STPG2: variants seen among roughly 807,000 people sequenced by gnomAD.
STPG2 encodes the protein sperm-tail PG-rich repeat-containing protein 2.
Under a neutral mutation model 54.2 loss-of-function variants are expected in STPG2, and 56 were observed. That is an observed-to-expected ratio of 1.03 (90% confidence interval 0.83 to 1.29). The LOEUF is 1.29. Among genes scored for constraint, STPG2 ranks in the 50% most tolerant of loss-of-function variants. STPG2 has a pLI of 0.00. For synonymous variants in STPG2, 200 were observed against 181.8 expected (o/e 1.10, Z -0.81); for missense variants, 596 against 544.9 (o/e 1.09, Z -0.93).
chr4:97,575,960 A>G (rs1264736454), intron 10 of STPG2, among the ~76,000 whole-genome samples: 3 of 152,198 alleles, frequency 2.0e-5, no homozygotes, highest in Admixed American at 2.0e-4. Flanking sequence ...GCATTTTTGT[A>G]TAGCAACAAT....
intron 7 of STPG2, among the ~76,000 whole-genome samples, chr4:97,966,773 C>T (rs1394054634): frequency 6.6e-6 from 1 of 152,082 alleles, no homozygotes; most frequent in East Asian, 1.9e-4. Context: ...CCAAACTAAG[C>T]TTCATAAGTA....
intron 10 of STPG2, among the ~76,000 whole-genome samples, chr4:97,710,562 A>T (rs998780165): frequency 4.6e-5 from 7 of 152,206 alleles, no homozygotes; most frequent in Admixed American, 1.3e-4. Context: ...TTGCAATTCT[A>T]AATCAATATC....
intron 10 of STPG2, among the ~76,000 whole-genome samples, chr4:97,599,647 C>A (rs1396915803): frequency 6.6e-6 from 1 of 151,832 alleles, no homozygotes; most frequent in African/African-American, 2.4e-5. Context: ...CACGGTGAAA[C>A]CCCGTCTCTA....
rs1008801208 is a variant in STPG2, at chr4:97,972,297, C to A, written c.916G>T (p.Gly306Ter). The change falls in exon 7 of 11, where the codon GGA (glycine) becomes TGA (stop). Residue 306 changes from glycine (G) to a stop codon, truncating the protein, a stop_gained. Coordinates refer to ENST00000295268, the MANE Select transcript of STPG2 (RefSeq NM_174952.3). LOFTEE classifies it high-confidence loss of function. ...SVQKEACATP[G>*]PADYQEFWHS... ...TGTATTACCTGATAATCAGCAGGTC[C>A]AGGGGTAGCACAAGCTTCTTTCTGA... 1.3e-5 allele frequency: 21 copies of A among 1,597,408 alleles called. No homozygotes were observed. The Middle Eastern group carries it at 8.3e-4, about 63-fold the overall frequency.
intron 8 of STPG2, among the ~76,000 whole-genome samples, chr4:97,913,745 C>A (rs951811402): frequency 6.6e-6 from 1 of 152,036 alleles, no homozygotes; most frequent in Non-Finnish European, 1.5e-5. Flanking sequence ...CAATAGGTTT[C>A]AAATTTTAAA....
chr4:97,960,829 C>G (rs1459782799), intron 7 of STPG2, among the ~76,000 whole-genome samples: 2 of 151,842 alleles, frequency 1.3e-5, no homozygotes, highest in Non-Finnish European at 2.9e-5. Context: ...ATCACCCTCA[C>G]AGAACTAGAA....
chr4:98,000,517 T>C (rs1430684884), intron 5 of STPG2, among the ~76,000 whole-genome samples: 2 of 152,164 alleles, frequency 1.3e-5, no homozygotes, highest in South Asian at 4.1e-4. Context: ...GACTTGAAAC[T>C]GTAGAAAAGA....
At chr4:98,084,555 A>G (rs1738449159) in intron 5 of STPG2, among the ~76,000 whole-genome samples, 1 of 152,162 alleles carries the variant, frequency 6.6e-6, no homozygotes, top group Non-Finnish European at 1.5e-5. Flanking sequence ...GAGTGAGTTT[A>G]TTATTTTACA....
chr4:97,753,375 T>C (rs1725636817), intron 9 of STPG2, among the ~76,000 whole-genome samples: 1 of 151,984 alleles, frequency 6.6e-6, no homozygotes, highest in Non-Finnish European at 1.5e-5. Context: ...GCATCATATT[T>C]TCAAGCTCTA....
At chr4:97,708,339 A>G (rs1483753542) in intron 10 of STPG2, among the ~76,000 whole-genome samples, 1 of 152,086 alleles carries the variant, frequency 6.6e-6, no homozygotes, top group African/African-American at 2.4e-5. Flanking sequence ...AAGTATTACC[A>G]CACTAAAAAT....
chr4:98,095,374 G>C (rs377650590), intron 5 of STPG2, among the ~76,000 whole-genome samples: 3 of 152,122 alleles, frequency 2.0e-5, no homozygotes, highest in Admixed American at 6.5e-5. Flanking sequence ...AAAAGACATA[G>C]AGCAGCTGAA....
chr4:97,748,792 C>T (rs1275879484), intron 9 of STPG2, among the ~76,000 whole-genome samples: 1 of 151,452 alleles, frequency 6.6e-6, no homozygotes, highest in Admixed American at 6.6e-5. Flanking sequence ...TTGATTTGTT[C>T]TTTCTCAAAC....
intron 4 of STPG2, among the ~76,000 whole-genome samples, chr4:97,488,550 A>G (rs980823146): frequency 1.3e-5 from 2 of 151,738 alleles, no homozygotes; most frequent in Non-Finnish European, 2.9e-5. Flanking sequence ...CTCAAATAGT[A>G]GTGAAGAATC....
intron 8 of STPG2, among the ~76,000 whole-genome samples, chr4:97,907,475 T>C (rs1284890124): frequency 9.9e-5 from 15 of 152,128 alleles, no homozygotes; most frequent in Non-Finnish European, 2.2e-4. Flanking sequence ...GCCATCCCCA[T>C]CAAGCTACCA....
At chr4:97,627,020 T>C (rs1298105812) in intron 10 of STPG2, among the ~76,000 whole-genome samples, 1 of 152,136 alleles carries the variant, frequency 6.6e-6, no homozygotes, top group Non-Finnish European at 1.5e-5. Context: ...TTTTCTATGT[T>C]CTATCACTAA....
At chr4:97,453,159 C>T (rs541415743) in intron 4 of STPG2, among the ~76,000 whole-genome samples, 1 of 152,216 alleles carries the variant, frequency 6.6e-6, no homozygotes, top group Non-Finnish European at 1.5e-5. Flanking sequence ...TGGGGTCCTG[C>T]AGTGCCTGGC....
chr4:98,130,930 A>AC (rs1353213629), intron 2 of STPG2, among the ~76,000 whole-genome samples: 10 of 143,262 alleles, frequency 7.0e-5, no homozygotes, highest in South Asian at 4.4e-4. Context: ...TCAAAAAAAA[A>AC]AAAAAAAAAC....
intron 4 of STPG2, among the ~76,000 whole-genome samples, chr4:97,473,674 C>T (rs1260709430): frequency 6.6e-6 from 1 of 152,140 alleles, no homozygotes; most frequent in Non-Finnish European, 1.5e-5. Context: ...GTGACCCACA[C>T]CCTATTCAAA....
intron 9 of STPG2, among the ~76,000 whole-genome samples, chr4:97,751,797 A>C (rs1440607278): frequency 6.6e-6 from 1 of 151,646 alleles, no homozygotes; most frequent in African/African-American, 2.4e-5. Context: ...GAACTAAAGG[A>C]AAGGAAAGCA....
Sources: allele counts gnomAD v4.1 joint callset (sites outside exome capture counted in the v4.1 genomes callset), GRCh38; gene constraint gnomAD v4.1.1; transcripts MANE v1.5; gene names NCBI Gene and HGNC (gene_info 2026-07-23, HGNC 2026-07-21).